NEGR1: variants seen among roughly 807,000 people sequenced by gnomAD.
The protein encoded by NEGR1 is IgLON family member 4.
In NEGR1, 10 loss-of-function variants were observed where a neutral mutation model predicts 40.9. The observed-to-expected ratio is 0.24, with a 90% confidence interval of 0.15 to 0.42. NEGR1 has a LOEUF of 0.42. Among genes scored for constraint, NEGR1 ranks in the 10% least tolerant of loss-of-function variants. The pLI is 1.00. For synonymous variants in NEGR1, 185 were observed against 166.8 expected, an observed-to-expected ratio of 1.11 and a Z score of -0.84; for missense variants, 352 against 438.9, an observed-to-expected ratio of 0.80 and a Z score of 1.77.
rs80202137 is a variant in NEGR1, at chr1:72,077,342, C to G, written c.177-142031G>C. ...GTTTTTTAGAGGTGGAGGGGACTTT[C>G]TATCACTTGCAGCTAGACCCAATGT... is the stretch of plus-strand genomic sequence containing the variant. On this transcript the variant is annotated intron_variant, in intron 1 of 6. Coordinates refer to ENST00000357731, the MANE Select transcript of NEGR1 (RefSeq NM_173808.3). Among the ~76,000 whole-genome samples the G allele has an allele frequency of 4.4e-3, 663 of 152,184 alleles. 4 individuals carry two copies. Among genetic ancestry groups the G allele is most frequent in the African/African-American group, 0.015 (628 of 41,536 alleles).
intron 4 of NEGR1, among the ~76,000 whole-genome samples, chr1:71,656,003 T>A (rs1651861574): frequency 6.6e-6 from 1 of 152,204 alleles, no homozygotes; most frequent in Non-Finnish European, 1.5e-5. Flanking sequence ...TGGTAACAGC[T>A]CTCTGCATTT....
chr1:72,271,708 A>C (rs748346512), intron 1 of NEGR1, among the ~76,000 whole-genome samples: 13 of 151,888 alleles, frequency 8.6e-5, no homozygotes, highest in African/African-American at 2.9e-4. Context: ...CATCCACCCA[A>C]ATTTCAACTG....
At chr1:71,769,678 G>A (rs1426718941) in intron 3 of NEGR1, among the ~76,000 whole-genome samples, 1 of 152,082 alleles carries the variant, frequency 6.6e-6, no homozygotes, top group Non-Finnish European at 1.5e-5. Context: ...AGTTTCCTGA[G>A]GCCTCCCCAG....
At chr1:72,052,395 G>T (rs754185009) in intron 1 of NEGR1, among the ~76,000 whole-genome samples, 1 of 151,366 alleles carries the variant, frequency 6.6e-6, no homozygotes, top group African/African-American at 2.4e-5. Context: ...TGCAAAAATT[G>T]CTCACATGAA....
intron 2 of NEGR1, among the ~76,000 whole-genome samples, chr1:71,820,376 G>A (rs1056925538): frequency 1.3e-5 from 2 of 151,896 alleles, no homozygotes; most frequent in African/African-American, 4.8e-5. Context: ...CTAGGAGTAA[G>A]GACTCCACAA....
chr1:72,127,919 A>G (rs1347091885), intron 1 of NEGR1, among the ~76,000 whole-genome samples: 1 of 152,182 alleles, frequency 6.6e-6, no homozygotes, highest in Non-Finnish European at 1.5e-5. Context: ...AAAACAAACA[A>G]AAAAGAAAAT....
At chr1:72,112,228 T>C (rs1649400091) in intron 1 of NEGR1, among the ~76,000 whole-genome samples, 1 of 151,228 alleles carries the variant, frequency 6.6e-6, no homozygotes, top group Admixed American at 6.6e-5. Context: ...TTTTTTAATT[T>C]AGAATATTGA....
chr1:71,677,704 A>G (rs1652691331), intron 4 of NEGR1, among the ~76,000 whole-genome samples: 4 of 152,168 alleles, frequency 2.6e-5, no homozygotes, highest in Admixed American at 2.6e-4. Context: ...CTGTCTCAGC[A>G]TGACCACGCT....
At chr1:71,761,896 G>A (rs181348777) in intron 3 of NEGR1, among the ~76,000 whole-genome samples, 9 of 152,062 alleles carry the variant, frequency 5.9e-5, no homozygotes, top group African/African-American at 2.2e-4. Context: ...AAATATAAAA[G>A]ATAGGTAAAT....
chr1:71,638,051 C>T (rs1018624817), intron 4 of NEGR1, among the ~76,000 whole-genome samples: 6 of 152,140 alleles, frequency 3.9e-5, no homozygotes, highest in African/African-American at 9.6e-5. Flanking sequence ...CCCAAGCTCA[C>T]GTAGCTGATA....
At chr1:71,618,544 C>T (rs954450397) in intron 4 of NEGR1, among the ~76,000 whole-genome samples, 3 of 152,036 alleles carry the variant, frequency 2.0e-5, no homozygotes, top group Admixed American at 2.0e-4. Context: ...CTTCGGGTGC[C>T]ACTGTCTCCC....
intron 1 of NEGR1, among the ~76,000 whole-genome samples, chr1:72,101,911 A>G (rs1320799196): frequency 6.6e-6 from 1 of 152,144 alleles, no homozygotes. Flanking sequence ...AATGAGGTAT[A>G]ACAACATTAT....
chr1:71,820,735 T>C (rs1433613781), intron 2 of NEGR1, among the ~76,000 whole-genome samples: 1 of 151,946 alleles, frequency 6.6e-6, no homozygotes, highest in East Asian at 1.9e-4. Context: ...CAAGTGAATG[T>C]CCCTGAACCT....
intron 1 of NEGR1, among the ~76,000 whole-genome samples, chr1:72,018,366 T>G (rs1270506531): frequency 2.0e-5 from 3 of 152,156 alleles, no homozygotes; most frequent in African/African-American, 7.2e-5. Flanking sequence ...ATTTTTAACT[T>G]GGACTAAAGA....
chr1:71,792,514 A>T (rs1007253074), intron 2 of NEGR1, among the ~76,000 whole-genome samples: 2 of 151,934 alleles, frequency 1.3e-5, no homozygotes, highest in African/African-American at 4.8e-5. Context: ...ATTGTTTTTC[A>T]TTTCCAGAGA....
chr1:71,739,199 G>GAAAAAAAAAAAAA (rs776411417), intron 3 of NEGR1, among the ~76,000 whole-genome samples: 5 of 63,622 alleles, frequency 7.9e-5, no homozygotes, highest in Admixed American at 1.7e-4. Flanking sequence ...AAGGCAGGCA[G>GAAAAAAAAAAAAA]AAAAAAAAAA....
chr1:71,583,588 G>T (rs1226829166), intron 6 of NEGR1, among the ~76,000 whole-genome samples: 1 of 152,108 alleles, frequency 6.6e-6, no homozygotes, highest in Admixed American at 6.5e-5. Flanking sequence ...TAGTCAGTTT[G>T]ATTATAGTTA....
chr1:72,160,430 A>T (rs896234537), intron 1 of NEGR1, among the ~76,000 whole-genome samples: 2 of 152,166 alleles, frequency 1.3e-5, no homozygotes, highest in Admixed American at 1.3e-4. Flanking sequence ...TTAGAATTAC[A>T]ACTTTAAAAG....
intron 2 of NEGR1, among the ~76,000 whole-genome samples, chr1:71,819,928 A>C (rs1328601269): frequency 6.6e-6 from 1 of 152,032 alleles, no homozygotes; most frequent in African/African-American, 2.4e-5. Flanking sequence ...ATGACACGGC[A>C]TCAGTAAAAA....
Sources: gnomAD v4.1 joint callset for allele counts (sites outside exome capture counted in the v4.1 genomes callset) on GRCh38, gnomAD v4.1.1 for gene constraint, MANE v1.5 for transcripts, NCBI Gene and HGNC (gene_info 2026-07-23, HGNC 2026-07-21) for gene names.